Variants in TRIM33 observed in about 807,000 individuals in gnomAD.
TRIM33 encodes E3 ubiquitin-protein ligase TRIM33.
In TRIM33, 20 loss-of-function variants were observed where a neutral mutation model predicts 125.4. The ratio of observed to expected loss-of-function variants is 0.16; its 90% CI spans 0.11 to 0.23. The LOEUF (loss-of-function observed/expected upper bound fraction) is 0.23. Among genes scored for constraint, TRIM33 ranks in the 10% least tolerant of loss-of-function variants. The pLI is 1.00. For missense variants in TRIM33, 920 were observed against 1,411.4 expected (o/e 0.65, Z 5.58); for synonymous variants, 564 against 513.9 (o/e 1.10, Z -1.32).
chr1:114,423,087 T>C (rs1258728480), intron 10 of TRIM33, among the ~76,000 whole-genome samples: 1 of 152,140 alleles, frequency 6.6e-6, no homozygotes, highest in East Asian at 1.9e-4. Flanking sequence ...TCCATCTAGC[T>C]CAAAGAAATG....
chr1:114,471,891 T>C (rs1650677098), intron 1 of TRIM33, among the ~76,000 whole-genome samples: 1 of 152,210 alleles, frequency 6.6e-6, no homozygotes, highest in South Asian at 2.1e-4. Context: ...TATCCAGTTT[T>C]TGAAATACAG....
chr1:114,428,802 T>A (rs1647751921), intron 6 of TRIM33, among the ~76,000 whole-genome samples: 1 of 152,116 alleles, frequency 6.6e-6, no homozygotes, highest in African/African-American at 2.4e-5. Flanking sequence ...TTTATCATCA[T>A]GTTAGTAGTA....
intron 11 of TRIM33, among the ~76,000 whole-genome samples, chr1:114,419,841 A>C (rs966912858): frequency 2.6e-5 from 4 of 152,230 alleles, no homozygotes; most frequent in African/African-American, 9.6e-5. Context: ...TACTATGTAT[A>C]TGTTTAACAT....
At position 114,393,753 on chromosome 1, in the gene TRIM33, T is replaced by C. The variant is rs1651402735; in HGVS notation, c.*3895A>G. 1 of 208,616 alleles carries C rather than the reference T, an allele frequency of 4.8e-6. No homozygotes were observed. The highest frequency in any genetic ancestry group is 9.8e-6 in the Non-Finnish European group (1 of 102,358). 12.9% of individuals were successfully genotyped at this position (208,616 alleles called of 1,614,324 possible). A position where few individuals can be genotyped will look rare whatever the true frequency, so the allele number is the denominator to read the frequency against. Reference sequence around the variant, plus strand: ...AATTTTTTTCCTTAAAAAAGTACCTTCAATTTTTTTACTCAAACACTTACT... The same window carrying C: ...AATTTTTTTCCTTAAAAAAGTACCTCCAATTTTTTTACTCAAACACTTACT... On this transcript the variant is annotated 3_prime_UTR_variant, in exon 20 of 20. Transcript: ENST00000358465.
intron 4 of TRIM33, among the ~76,000 whole-genome samples, chr1:114,454,657 T>C (rs1440687898): frequency 7.0e-6 from 1 of 142,920 alleles, no homozygotes; most frequent in African/African-American, 2.7e-5. Flanking sequence ...GCCTGGGCAA[T>C]AGCACAAGAC....
chr1:114,407,234 T>G, intron 13 of TRIM33, 134 bp from the exon 14 acceptor site: 1 of 733,562 alleles, frequency 1.4e-6, no homozygotes, highest in Non-Finnish European at 2.1e-6. Context: ...GGATACCTCA[T>G]AATGTAGTTA....
rs1477223610 is a variant in TRIM33, at chr1:114,456,836, AG to A, written c.923+6267del. Among the ~76,000 whole-genome samples, 5 of 152,306 alleles carry A rather than the reference AG, an allele frequency of 3.3e-5. No individual in the cohort carries two copies. In the East Asian group the frequency reaches 9.7e-4, roughly 29 times the overall value. ...TAATTTAAACGCAATGGTGATAAAA[AG>A]TTTGGGGAATTAGGGGAAAAAAGCA... On this transcript the variant is annotated intron_variant, in intron 4 of 19. Transcript: ENST00000358465.
chr1:114,469,861 G>A (rs1266643973), intron 1 of TRIM33, among the ~76,000 whole-genome samples: 1 of 152,104 alleles, frequency 6.6e-6, no homozygotes, highest in Admixed American at 6.5e-5. Context: ...GCTTTATACA[G>A]GGAAAACTTG....
rs1028417904 is a variant in TRIM33 at position 114,394,387 on chromosome 1, TG to T, written c.*3260del. The stretch of plus-strand genomic sequence containing the variant: ...GTAGGCCACAATCCAAGGGCATAGT[TG>T]GAAGACCTGAATCTATTATCTTATT... On this transcript the variant is annotated 3_prime_UTR_variant, in exon 20 of 20. Coordinates refer to ENST00000358465, the MANE Select transcript of TRIM33 (RefSeq NM_015906.4). The T allele has an allele frequency of 4.5e-6, 1 of 223,488 alleles. No homozygotes were observed. The highest frequency in any genetic ancestry group is 2.2e-5 in the African/African-American group (1 of 44,806). 13.8% of individuals were successfully genotyped at this position (223,488 alleles called of 1,614,324 possible).
intron 4 of TRIM33, among the ~76,000 whole-genome samples, chr1:114,437,556 C>G (rs899282085): frequency 6.6e-6 from 1 of 152,144 alleles, no homozygotes; most frequent in African/African-American, 2.4e-5. Context: ...CCAGGATGGT[C>G]TCAGTCTCTT....
At chr1:114,416,673 A>AT (rs1652961071) in intron 11 of TRIM33, among the ~76,000 whole-genome samples, 1 of 152,224 alleles carries the variant, frequency 6.6e-6, no homozygotes, top group Non-Finnish European at 1.5e-5. Flanking sequence ...GCAAAAGAAA[A>AT]TTGAGACTTC....
intron 4 of TRIM33, among the ~76,000 whole-genome samples, chr1:114,437,671 A>C (rs1484676498): frequency 6.6e-6 from 1 of 152,190 alleles, no homozygotes; most frequent in African/African-American, 2.4e-5. Flanking sequence ...TCTTAGTCAC[A>C]ATGAACTATT....
intron 4 of TRIM33, among the ~76,000 whole-genome samples, chr1:114,451,704 T>C (rs763273575): frequency 2.7e-4 from 41 of 152,354 alleles, no homozygotes; most frequent in Middle Eastern, 3.4e-3. Flanking sequence ...TAAACTGTTA[T>C]TGAGTGCTTA....
chr1:114,406,576 T>G (rs1572013606), intron 14 of TRIM33, among the ~76,000 whole-genome samples: 1 of 152,354 alleles, frequency 6.6e-6, no homozygotes, highest in Non-Finnish European at 1.5e-5. Context: ...ATCTTAATGC[T>G]GAGCTCACAG....
At chr1:114,442,605 T>C (rs1648718124) in intron 4 of TRIM33, among the ~76,000 whole-genome samples, 1 of 149,158 alleles carries the variant, frequency 6.7e-6, no homozygotes, top group Non-Finnish European at 1.5e-5. Flanking sequence ...GGAGAATAGC[T>C]TGAACCCAGG....
At chr1:114,484,363 C>A (rs1286805760) in intron 1 of TRIM33, among the ~76,000 whole-genome samples, 1 of 152,158 alleles carries the variant, frequency 6.6e-6, no homozygotes, top group Non-Finnish European at 1.5e-5. Context: ...GGCTAACTAA[C>A]CATCAAGACT....
rs1307661638 is a variant in TRIM33, at chr1:114,433,600, T to TA, written c.1040+16dup. The stretch of plus-strand genomic sequence containing the variant: ...TTAGTAATTCTTAAAATTATGGTTT[T>TA]AAGGCAACAAACTTACCTATTCTGC... On this transcript the variant is annotated intron_variant, in intron 5 of 19. Transcript: ENST00000358465. 1.6e-5 allele frequency: 24 copies of TA among 1,471,710 alleles called. No homozygotes were observed. The highest frequency in any genetic ancestry group is 2.1e-5 in the Non-Finnish European group (23 of 1,071,560). The allele number at this position is 1,471,710 out of a possible 1,614,324, so 91.2% of individuals were successfully genotyped here. A position where few individuals can be genotyped will look rare whatever the true frequency, so the allele number is the denominator to read the frequency against.
chr1:114,459,711 C>CT (rs1215903837), intron 4 of TRIM33, among the ~76,000 whole-genome samples: 4 of 137,528 alleles, frequency 2.9e-5, no homozygotes, highest in Admixed American at 7.0e-5. Flanking sequence ...TGAGTCCAGC[C>CT]TGAGCAACAG....
Position 114,407,104 on chromosome 1 carries a change from A to G in TRIM33, c.2259-4T>C. On this transcript the variant is annotated splice_polypyrimidine_tract_variant and splice_region_variant and intron_variant, in intron 13 of 19. Transcript: ENST00000358465. ...AGTTCTTCCTGATGACCCACAGCTA[A>G]TAAGAAACAACAAATAAAGATCACA... 3 of 1,607,980 alleles carry G rather than the reference A, an allele frequency of 1.9e-6. No homozygotes were observed. Among genetic ancestry groups the G allele is most frequent in the Non-Finnish European group, 2.5e-6 (3 of 1,177,940 alleles).
Sources: gnomAD v4.1 joint callset for allele counts (sites outside exome capture counted in the v4.1 genomes callset) on GRCh38, gnomAD v4.1.1 for gene constraint, MANE v1.5 for transcripts, NCBI Gene and HGNC (gene_info 2026-07-23, HGNC 2026-07-21) for gene names.